EHMT1: variants seen among roughly 807,000 people sequenced by gnomAD.
The protein encoded by EHMT1 is euchromatic histone lysine methyltransferase 1, also known as histone-lysine N-methyltransferase EHMT1.
A neutral mutation model predicts 147.2 loss-of-function variants in EHMT1; 15 were observed. That is an observed-to-expected ratio of 0.10 (90% CI 0.07 to 0.16). The LOEUF is 0.16. Among genes scored for constraint, EHMT1 ranks in the 10% least tolerant of loss-of-function variants. EHMT1 has a pLI of 1.00. For missense variants in EHMT1, 1,587 were observed against 1,772.4 expected (o/e 0.90, Z 1.88); for synonymous variants, 795 against 709.6 (o/e 1.12, Z -1.91).
At chr9:137,725,128 G>A (rs929028088) in intron 3 of EHMT1, among the ~76,000 whole-genome samples, 7 of 150,110 alleles carry the variant, frequency 4.7e-5, no homozygotes, top group Non-Finnish European at 8.9e-5. Context: ...CATTCATGGG[G>A]CATTCTTGTG....
chr9:137,807,173 T>C (rs1165563951), intron 18 of EHMT1, among the ~76,000 whole-genome samples: 3 of 152,258 alleles, frequency 2.0e-5, no homozygotes, highest in African/African-American at 7.2e-5. Flanking sequence ...TTTCCAGTAT[T>C]CCAGCTGTGT....
rs911814791 is a variant in EHMT1 at position 137,815,982 on chromosome 9, G to T, written c.3294G>T (p.Glu1098Asp). Residue 1098 changes from glutamate to aspartate, a missense_variant, in exon 23 of 27, where the codon GAG becomes GAT. By Grantham distance (45) the Glu-to-Asp change is conservative. Transcript: ENST00000460843. ...GRLLPEFNMA[E>D]PPLIFECNHA... ...TCCTGCCAGAGTTCAACATGGCGGA[G>T]CCTCCCTTGATCTTCGAATGCAACC... 2.5e-6 allele frequency: 4 copies of T among 1,611,726 alleles called. No individual in the cohort carries two copies. The Admixed American group carries it at 5.0e-5, about 20-fold the overall frequency.
chr9:137,815,528 G>T (rs1954851220), intron 22 of EHMT1: 1 of 306,560 alleles, frequency 3.3e-6, no homozygotes, highest in African/African-American at 2.2e-5. Context: ...GGAGCAGAGG[G>T]CTGGGTCCCT....
At chr9:137,797,261 A>T (rs1953038636) in intron 16 of EHMT1, among the ~76,000 whole-genome samples, 1 of 151,970 alleles carries the variant, frequency 6.6e-6, no homozygotes, top group Non-Finnish European at 1.5e-5. Context: ...GCCTTTCCTT[A>T]CCTGCAGCCC....
At chr9:137,640,735 A>T (rs1352820330) in intron 1 of EHMT1, among the ~76,000 whole-genome samples, 1 of 152,234 alleles carries the variant, frequency 6.6e-6, no homozygotes, top group Non-Finnish European at 1.5e-5. Flanking sequence ...TCTTTTTTCC[A>T]TAGAACATGG....
At chr9:137,681,947 T>TTTTG (rs1243317331) in intron 1 of EHMT1, among the ~76,000 whole-genome samples, 1 of 152,098 alleles carries the variant, frequency 6.6e-6, no homozygotes, top group Non-Finnish European at 1.5e-5. Flanking sequence ...TTTTGTGTTT[T>TTTTG]TTTGTTTGTT....
At chr9:137,687,205 A>T (rs1455812449) in intron 1 of EHMT1, among the ~76,000 whole-genome samples, 1 of 152,206 alleles carries the variant, frequency 6.6e-6, no homozygotes, top group Admixed American at 6.5e-5. Context: ...TTTGCCAGTA[A>T]CACACTGTCC....
chr9:137,720,944 A>G (rs1221205746), intron 3 of EHMT1, among the ~76,000 whole-genome samples: 1 of 152,090 alleles, frequency 6.6e-6, no homozygotes, highest in Non-Finnish European at 1.5e-5. Flanking sequence ...ACCACACTCC[A>G]GAGTGGCTGC....
chr9:137,830,334 T>C (rs1057168140), intron 25 of EHMT1, among the ~76,000 whole-genome samples: 3 of 152,168 alleles, frequency 2.0e-5, no homozygotes, highest in African/African-American at 7.2e-5. Flanking sequence ...AAGAGAAAGA[T>C]TTTTAGACAC....
chr9:137,671,382 G>GT (rs1303478066), intron 1 of EHMT1, among the ~76,000 whole-genome samples: 1 of 151,814 alleles, frequency 6.6e-6, no homozygotes, highest in African/African-American at 2.4e-5. Context: ...TCATTTATAT[G>GT]TAACAATTCA....
chr9:137,725,233 G>C (rs1370049101), intron 3 of EHMT1, among the ~76,000 whole-genome samples: 2 of 150,874 alleles, frequency 1.3e-5, no homozygotes, highest in Non-Finnish European at 3.0e-5. Context: ...TGGCATTCGT[G>C]GGGCAGATGT....
Position 137,782,522 on chromosome 9 carries a change from A to G in EHMT1, c.2382+125A>G. The G allele has an allele frequency of 1.1e-6, 1 of 921,228 alleles. No homozygotes were observed. The highest frequency in any genetic ancestry group is 1.7e-6 in the Non-Finnish European group (1 of 592,530). 57.1% of individuals were successfully genotyped at this position (921,228 alleles called of 1,614,324 possible). ...TTCCGTAGTGCTGTGAATCGGGCAC[A>G]GAGTCAGCTTTTCTGCCCCCGAGTC... On this transcript the variant is annotated intron_variant, in intron 15 of 26. Coordinates refer to ENST00000460843, the MANE Select transcript of EHMT1 (RefSeq NM_024757.5). The surrounding 1 kb of genome is among the most constrained non-coding windows in gnomAD (Gnocchi z 5.7).
rs1285867495 is a variant in EHMT1, at chr9:137,775,083, T to C, written c.1648-26T>C. ...TGCCGGCCTCTCGTGACTCTGACAT[T>C]GACCACCAGTCTTGTCTGATTGCAG... On this transcript the variant is annotated intron_variant, in intron 10 of 26. Coordinates refer to ENST00000460843, the MANE Select transcript of EHMT1 (RefSeq NM_024757.5). This position sits in a 1 kb window ranked among gnomAD's most constrained non-coding sequence, Gnocchi z 6.1. 2 of 1,613,990 alleles carry C rather than the reference T, an allele frequency of 1.2e-6. No homozygotes were observed. The highest frequency in any genetic ancestry group is 2.2e-5 in the South Asian group (2 of 91,080).
intron 1 of EHMT1, among the ~76,000 whole-genome samples, chr9:137,692,746 A>G (rs59518672): frequency 0.042 from 6,417 of 152,160 alleles, 433 homozygotes; most frequent in African/African-American, 0.15. Flanking sequence ...GCAGTGAACA[A>G]TGCTCAGGCG....
At chr9:137,642,196 G>A (rs549820780) in intron 1 of EHMT1, among the ~76,000 whole-genome samples, 3 of 152,234 alleles carry the variant, frequency 2.0e-5, no homozygotes, top group Admixed American at 6.5e-5. Flanking sequence ...CAGGTAATGC[G>A]TTTCATCTAA....
At chr9:137,684,071 G>A (rs1942212022) in intron 1 of EHMT1, among the ~76,000 whole-genome samples, 1 of 152,038 alleles carries the variant, frequency 6.6e-6, no homozygotes, top group African/African-American at 2.4e-5. Flanking sequence ...GCCTCACTCT[G>A]TCACCCAGGC....
Position 137,825,756 on chromosome 9 carries a change from T to TTG in EHMT1, c.3540+7629_3540+7630dup, listed in dbSNP as rs542314610. ...TAATGATATGTGTGGGTCCATTGTT[T>TTG]TGTGTGTGTGTGCCCGTGTCATCAC... is the stretch of plus-strand genomic sequence containing the variant. On this transcript the variant is annotated intron_variant, in intron 25 of 26. Transcript: ENST00000460843. Among the ~76,000 whole-genome samples, 37 of 152,254 alleles carry TTG rather than the reference T, an allele frequency of 2.4e-4. 1 individual carries two copies. In the East Asian group the frequency reaches 3.9e-3, roughly 16 times the overall value.
intron 25 of EHMT1, among the ~76,000 whole-genome samples, chr9:137,825,216 G>A (rs1177545006): frequency 6.6e-6 from 1 of 152,168 alleles, no homozygotes; most frequent in Non-Finnish European, 1.5e-5. Flanking sequence ...CATTCTGTGG[G>A]CCAGAAGCAA....
chr9:137,757,312 T>C (rs1035146063), intron 8 of EHMT1, among the ~76,000 whole-genome samples: 12 of 152,204 alleles, frequency 7.9e-5, no homozygotes, highest in African/African-American at 2.9e-4. Context: ...TCTGTGGGTG[T>C]CGTGAGCCTC....
Sources: gnomAD v4.1 joint callset for allele counts (sites outside exome capture counted in the v4.1 genomes callset) on GRCh38, gnomAD v4.1.1 for gene constraint, Gnocchi (gnomAD v3.1) non-coding constraint, MANE v1.5 for transcripts, NCBI Gene and HGNC (gene_info 2026-07-23, HGNC 2026-07-21) for gene names.